EEF2K: variants seen among roughly 807,000 people sequenced by gnomAD.
EEF2K encodes the protein alternative protein EEF2K.
A neutral mutation model predicts 93.8 loss-of-function variants in EEF2K; 70 were observed. The observed-to-expected ratio is 0.75, with a 90% CI of 0.62 to 0.91. The LOEUF (loss-of-function observed/expected upper bound fraction) is 0.91. Among genes scored for constraint, EEF2K ranks in the 40% least tolerant of loss-of-function variants. The probability of loss-of-function intolerance (pLI) is 0.00; values close to 1 mark genes in which losing one functional copy is unlikely to be tolerated. For missense variants in EEF2K, 935 were observed against 972.9 expected, an observed-to-expected ratio of 0.96 and a Z score of 0.52; for synonymous variants, 376 against 380.8, an observed-to-expected ratio of 0.99 and a Z score of 0.15.
At chr16:22,250,581 G>A (rs1305519293) in intron 4 of EEF2K, 73 bp from the exon 5 acceptor site, 4 of 1,593,432 alleles carry the variant, frequency 2.5e-6, no homozygotes, top group African/African-American at 2.7e-5. Context: ...CATGTAAGGG[G>A]AGCACCTCCT....
intron 15 of EEF2K, 73 bp downstream of exon 15, chr16:22,266,949 T>C: frequency 6.6e-7 from 1 of 1,507,284 alleles, no homozygotes; most frequent in Non-Finnish European, 8.9e-7. Flanking sequence ...CTGCCTCCCA[T>C]CCTGGAAGTC....
At position 22,266,864 on chromosome 16, in the gene EEF2K, T is replaced by C. The variant is rs530115617; in HGVS notation, c.1752T>C (p.Asp584=). The change falls in exon 15 of 18, where the codon GAT becomes GAC. Residue 584 remains aspartate (D), a synonymous_variant. Transcript: ENST00000263026. ...YSQLPHHILA[D]VSLKETEENK... is the part of the protein sequence containing the mutation. ...AGTTGCCTCATCACATCCTAGCCGA[T>C]GTCTCTCTGAAGGTGAGCAGGTGGC... 2.4e-5 allele frequency: 38 copies of C among 1,610,390 alleles called. 1 individual carries two copies. The South Asian group carries it at 3.5e-4, about 15-fold the overall frequency.
chr16:22,239,961 G>C (rs1447647086), intron 2 of EEF2K, among the ~76,000 whole-genome samples: 1 of 152,042 alleles, frequency 6.6e-6, no homozygotes, highest in Non-Finnish European at 1.5e-5. Flanking sequence ...TAATTAGCTG[G>C]GCGTGGTGGC....
chr16:22,255,035 C>T (rs1432573711), intron 6 of EEF2K, among the ~76,000 whole-genome samples: 1 of 152,166 alleles, frequency 6.6e-6, no homozygotes, highest in Non-Finnish European at 1.5e-5. Flanking sequence ...CGTGCCACTG[C>T]AGTCCAGCCT....
chr16:22,269,808 A>G (rs2047558906), intron 15 of EEF2K, among the ~76,000 whole-genome samples: 2 of 152,166 alleles, frequency 1.3e-5, no homozygotes, highest in Admixed American at 1.3e-4. Context: ...CGGTTTCCAT[A>G]TACAAATATG....
intron 16 of EEF2K, among the ~76,000 whole-genome samples, chr16:22,278,642 T>C (rs1277157324): frequency 6.6e-6 from 1 of 152,142 alleles, no homozygotes; most frequent in Admixed American, 6.6e-5. Context: ...ATCAGACCTA[T>C]TGCTTCTGGA....
intron 6 of EEF2K, among the ~76,000 whole-genome samples, chr16:22,253,301 G>A (rs562525691): frequency 4.6e-5 from 7 of 152,262 alleles, no homozygotes; most frequent in Admixed American, 6.5e-5. Context: ...TACATACAAC[G>A]CACAGTCTCC....
At chr16:22,223,745 C>T (rs2047036951) in intron 1 of EEF2K, among the ~76,000 whole-genome samples, 1 of 152,148 alleles carries the variant, frequency 6.6e-6, no homozygotes, top group African/African-American at 2.4e-5. Context: ...TTCCTGAACT[C>T]TTTCTTGATT....
intron 15 of EEF2K, among the ~76,000 whole-genome samples, chr16:22,267,611 TG>T (rs1310516012): frequency 1.4e-5 from 2 of 147,716 alleles, no homozygotes; most frequent in African/African-American, 5.0e-5. Context: ...AAAAAAAAAT[TG>T]GGGGGGATAT....
At chr16:22,262,043 G>T (rs2047470642) in intron 11 of EEF2K, among the ~76,000 whole-genome samples, 2 of 146,568 alleles carry the variant, frequency 1.4e-5, no homozygotes, top group Non-Finnish European at 1.5e-5. Flanking sequence ...ACACAGAAAA[G>T]ATACTTCTTA....
chr16:22,237,946 G>A (rs1037072952), intron 2 of EEF2K, among the ~76,000 whole-genome samples: 1 of 152,094 alleles, frequency 6.6e-6, no homozygotes, highest in African/African-American at 2.4e-5. Flanking sequence ...GTATCATAGT[G>A]TTTGTATTGT....
At chr16:22,244,894 C>T (rs1002718732) in intron 3 of EEF2K, among the ~76,000 whole-genome samples, 164 bp downstream of exon 3, 1 of 152,162 alleles carries the variant, frequency 6.6e-6, no homozygotes, top group African/African-American at 2.4e-5. Context: ...GGTGCATTAC[C>T]TCACTGAATC....
chr16:22,246,619 A>T (rs1281514055), intron 3 of EEF2K, among the ~76,000 whole-genome samples: 1 of 151,830 alleles, frequency 6.6e-6, no homozygotes. Context: ...TATATTTACC[A>T]TCACACAACC....
chr16:22,221,863 A>G (rs1026412965), intron 1 of EEF2K, among the ~76,000 whole-genome samples: 1 of 152,108 alleles, frequency 6.6e-6, no homozygotes, highest in African/African-American at 2.4e-5. Flanking sequence ...TGAGGTCAGG[A>G]GTTCAAGGCC....
rs570264688 is a variant in EEF2K at position 22,266,504 on chromosome 16, G to A, written c.1555G>A (p.Gly519Arg). 22 of 1,614,158 alleles carry A rather than the reference G, an allele frequency of 1.4e-5. No individual in the cohort carries two copies. The highest frequency in any genetic ancestry group is 1.6e-4 in the Middle Eastern group (1 of 6,062). Residue 519 changes from glycine (G) to arginine (R), a missense_variant, in exon 14 of 18, where the codon GGG (glycine) becomes AGG (arginine). Physicochemically the swap from Gly to Arg is moderately radical, Grantham distance 125. Transcript: ENST00000263026. ...LNALDLEKKI[G>R]KSILGKVHLA... ...TGCTCTGGACCTCGAAAAGAAAATC[G>A]GGAAGTCCATTTTGGGGAAGGTATC...
chr16:22,240,402 A>T (rs1158828954), intron 2 of EEF2K, among the ~76,000 whole-genome samples: 1 of 152,110 alleles, frequency 6.6e-6, no homozygotes, highest in Non-Finnish European at 1.5e-5. Context: ...ACTTGGGATA[A>T]ATTTTTTGGC....
intron 5 of EEF2K, 149 bp downstream of exon 5, chr16:22,250,840 G>C (rs928751737): frequency 9.5e-7 from 1 of 1,055,360 alleles, no homozygotes; most frequent in African/African-American, 1.6e-5. Context: ...AGTCTCCCTC[G>C]GGCCACACAT....
At chr16:22,267,131 T>A (rs1158344946) in intron 15 of EEF2K, among the ~76,000 whole-genome samples, 1 of 151,922 alleles carries the variant, frequency 6.6e-6, no homozygotes, top group Non-Finnish European at 1.5e-5. Flanking sequence ...CATGGTGTGA[T>A]GGGGGAAGCA....
At chr16:22,215,040 C>T (rs767846038) in intron 1 of EEF2K, among the ~76,000 whole-genome samples, 1 of 152,070 alleles carries the variant, frequency 6.6e-6, no homozygotes, top group Non-Finnish European at 1.5e-5. Flanking sequence ...GGCCTGGGAT[C>T]AGTCTGATAG....
Sources: gnomAD v4.1 joint callset for allele counts (sites outside exome capture counted in the v4.1 genomes callset) on GRCh38, gnomAD v4.1.1 for gene constraint, MANE v1.5 for transcripts, NCBI Gene and HGNC (gene_info 2026-07-23, HGNC 2026-07-21) for gene names.